Variants in CNOT1 observed in about 807,000 individuals in gnomAD.
The protein encoded by CNOT1 is CCR4-NOT transcription complex subunit 1.
In CNOT1, 15 loss-of-function variants were observed where a neutral mutation model predicts 273.8. That is an observed-to-expected ratio of 0.05 (90% CI 0.04 to 0.08). The LOEUF (loss-of-function observed/expected upper bound fraction) is 0.08, where lower values mean the gene tolerates loss of function less well. Among genes scored for constraint, CNOT1 ranks in the 10% least tolerant of loss-of-function variants. The pLI is 1.00. For missense variants in CNOT1, 1,644 were observed against 2,912.2 expected, an observed-to-expected ratio of 0.56 and a Z score of 10.02; for synonymous variants, 1,022 against 1,005.5, an observed-to-expected ratio of 1.02 and a Z score of -0.31.
At chr16:58,527,550 T>TA (rs1411028355) in intron 44 of CNOT1, among the ~76,000 whole-genome samples, 5 of 151,646 alleles carry the variant, frequency 3.3e-5, no homozygotes, top group African/African-American at 1.2e-4. Context: ...TAAATACAAA[T>TA]AAATAATAAT....
Position 58,587,430 on chromosome 16 carries a change from T to C in CNOT1, c.310-17A>G. On this transcript the variant is annotated splice_polypyrimidine_tract_variant and intron_variant, in intron 4 of 48. Transcript: ENST00000317147. ...CTTTAAACTCTGAAACAAACCAAAT[T>C]TTAGTTTAAAATAAGAACTTACTTT... is the stretch of plus-strand genomic sequence containing the variant. 1 of 1,610,912 alleles carries C rather than the reference T, an allele frequency of 6.2e-7. No individual in the cohort carries two copies. The highest frequency in any genetic ancestry group is 8.5e-7 in the Non-Finnish European group (1 of 1,179,562).
intron 1 of CNOT1, among the ~76,000 whole-genome samples, chr16:58,606,972 A>C (rs2042703890): frequency 6.6e-6 from 1 of 152,170 alleles, no homozygotes; most frequent in Non-Finnish European, 1.5e-5. Context: ...ACTAGAGAAC[A>C]CTATACAATA....
intron 2 of CNOT1, among the ~76,000 whole-genome samples, chr16:58,598,791 G>C (rs1317542708): frequency 2.0e-5 from 3 of 152,068 alleles, no homozygotes; most frequent in Non-Finnish European, 4.4e-5. Flanking sequence ...GCTGGGCGTG[G>C]TGGCTCACGC....
intron 16 of CNOT1, among the ~76,000 whole-genome samples, chr16:58,564,363 T>C (rs2040964976): frequency 6.8e-6 from 1 of 147,780 alleles, no homozygotes; most frequent in Non-Finnish European, 1.5e-5. Flanking sequence ...AAGAAACTGT[T>C]CCAAAAAGAC....
intron 10 of CNOT1, 145 bp downstream of exon 10, chr16:58,582,648 T>A (rs1249088820): frequency 5.2e-6 from 3 of 576,894 alleles, no homozygotes; most frequent in Admixed American, 3.2e-5. Flanking sequence ...TTAAATTTGG[T>A]TACGTACTGC....
chr16:58,566,183 T>C (rs1260402197), intron 16 of CNOT1, among the ~76,000 whole-genome samples: 2 of 152,210 alleles, frequency 1.3e-5, no homozygotes, highest in Admixed American at 1.3e-4. Flanking sequence ...TACAATGTAA[T>C]TTGTGGAGAG....
chr16:58,548,897 T>C (rs2040349367), intron 25 of CNOT1, among the ~76,000 whole-genome samples: 1 of 152,206 alleles, frequency 6.6e-6, no homozygotes, highest in Non-Finnish European at 1.5e-5. Context: ...CAGGACAGCA[T>C]TGTTTATAAT....
intron 11 of CNOT1, 70 bp from the exon 12 acceptor site, chr16:58,580,830 T>C: frequency 7.1e-7 from 1 of 1,399,378 alleles, no homozygotes. Flanking sequence ...ATGTTTTCAC[T>C]AGGCTATTGT....
At chr16:58,584,353 C>G (rs779021003) in intron 8 of CNOT1, among the ~76,000 whole-genome samples, 1 of 151,420 alleles carries the variant, frequency 6.6e-6, no homozygotes, top group Non-Finnish European at 1.5e-5. Context: ...TTTTTTTTGA[C>G]GAAGTCTCGC....
chr16:58,609,170 G>C (rs938382921), intron 1 of CNOT1, among the ~76,000 whole-genome samples: 1 of 152,030 alleles, frequency 6.6e-6, no homozygotes, highest in African/African-American at 2.4e-5. Context: ...TCAGGAGTTC[G>C]AGACCAGCCT....
rs2039978682 is a variant in CNOT1 at position 58,538,230 on chromosome 16, A to G, written c.5172T>C (p.Asn1724=). The G allele has an allele frequency of 1.4e-6, 2 of 1,431,554 alleles. No homozygotes were observed. The highest frequency in any genetic ancestry group is 2.0e-6 in the Non-Finnish European group (2 of 1,013,368). 88.7% of individuals were successfully genotyped at this position (1,431,554 alleles called of 1,614,324 possible). The part of the protein sequence containing the change: ...LIECRDEYKY[N]VEAVELLIRN... ...GAATTAGCAGCTCCACAGCCTCCAC[A>G]TTATATTTATATTCATCTCGACATT... is the stretch of plus-strand genomic sequence containing the variant. Residue 1724 remains asparagine (N), a synonymous_variant, in exon 37 of 49, where the codon AAT becomes AAC. Coordinates refer to ENST00000317147, the MANE Select transcript of CNOT1 (RefSeq NM_016284.5).
At chr16:58,566,713 CAG>C (rs1189821591) in intron 16 of CNOT1, among the ~76,000 whole-genome samples, 4 of 152,150 alleles carry the variant, frequency 2.6e-5, no homozygotes, top group Admixed American at 6.5e-5. Context: ...GTTGCCCAGA[CAG>C]AGTGCAATGG....
intron 33 of CNOT1, among the ~76,000 whole-genome samples, chr16:58,541,833 T>C (rs1410562445): frequency 6.6e-6 from 1 of 152,182 alleles, no homozygotes; most frequent in African/African-American, 2.4e-5. Context: ...CATTTATAAA[T>C]TAACTGAGAG....
intron 29 of CNOT1, 126 bp from the exon 30 acceptor site, chr16:58,545,617 T>A: frequency 1.3e-4 from 132 of 1,007,774 alleles, no homozygotes; most frequent in Non-Finnish European, 1.7e-4. Flanking sequence ...GAGGGAAGGA[T>A]GTAGCAGGTC....
At position 58,555,283 on chromosome 16, in the gene CNOT1, G is replaced by A. The variant is rs9941175; in HGVS notation, c.2859C>T (p.Phe953=). Reference sequence around the variant, plus strand: ...TAAATCTATCTAGTGCAGCAATCCCGAAATAATACATTTTGGATCCAAAAG... The same window carrying A: ...TAAATCTATCTAGTGCAGCAATCCCAAAATAATACATTTTGGATCCAAAAG... ...RKPFGSKMYY[F]GIAALDRFKN... is the part of the protein sequence containing the mutation. The change falls in exon 21 of 49, where the codon TTC becomes TTT. Residue 953 remains phenylalanine, a synonymous_variant. Transcript: ENST00000317147. The A allele has an allele frequency of 9.2e-3, 14,904 of 1,613,992 alleles. 890 individuals are homozygous for A. The African/African-American group carries it at 0.15, about 16-fold the overall frequency.
chr16:58,543,336 T>C (rs759873578), intron 31 of CNOT1: 69 of 1,549,276 alleles, frequency 4.5e-5, no homozygotes, highest in South Asian at 2.5e-4. Context: ...ATTTCCTTTT[T>C]AAATCTTAAT....
intron 16 of CNOT1, among the ~76,000 whole-genome samples, chr16:58,566,640 G>A (rs1465684746): frequency 3.3e-5 from 5 of 152,172 alleles, no homozygotes; most frequent in Non-Finnish European, 7.4e-5. Flanking sequence ...CTTGTGCACT[G>A]TGGAATGTTT....
In CNOT1 at chr16:58,578,944, C is replaced by A. The variant is rs377402973; in HGVS notation, c.1344-5G>T. ...TCAATCAAATCCAAGCTCTTCCTAACGAGAAAGGAAGAAACATGCTTTATC... is the reference window on the plus strand; with the variant it reads ...TCAATCAAATCCAAGCTCTTCCTAAAGAGAAAGGAAGAAACATGCTTTATC... On this transcript the variant is annotated splice_polypyrimidine_tract_variant and splice_region_variant and intron_variant, in intron 12 of 48. Coordinates refer to ENST00000317147, the MANE Select transcript of CNOT1 (RefSeq NM_016284.5). 4 of 1,611,790 alleles carry A rather than the reference C, an allele frequency of 2.5e-6. No individual in the cohort carries two copies. Among genetic ancestry groups the A allele is most frequent in the South Asian group, 1.1e-5 (1 of 91,022 alleles).
rs113053152 is a variant in CNOT1 at position 58,565,812 on chromosome 16, G to A, written c.1980-5450C>T. On this transcript the variant is annotated intron_variant, in intron 16 of 48. Coordinates refer to ENST00000317147, the MANE Select transcript of CNOT1 (RefSeq NM_016284.5). The stretch of plus-strand genomic sequence containing the variant: ...TACAAAAAATTAGCCAGGTGTGGTA[G>A]TGTGCGCCTGTCGTCCCAGCTACTC... 2.7e-3 allele frequency among the ~76,000 whole-genome samples: 412 copies of A among 152,142 alleles called. 2 individuals carry two copies. The highest frequency in any genetic ancestry group is 9.3e-3 in the African/African-American group (388 of 41,498).
Sources: gnomAD v4.1 joint callset for allele counts (sites outside exome capture counted in the v4.1 genomes callset) on GRCh38, gnomAD v4.1.1 for gene constraint, MANE v1.5 for transcripts, NCBI Gene and HGNC (gene_info 2026-07-23, HGNC 2026-07-21) for gene names.